PARP4: variants seen among roughly 807,000 people sequenced by gnomAD.
PARP4 encodes poly(ADP-ribose) polymerase family member 4.
Under a neutral mutation model 187.7 loss-of-function variants are expected in PARP4, and 120 were observed. That is an observed-to-expected ratio of 0.64 (90% CI 0.55 to 0.74). The LOEUF (loss-of-function observed/expected upper bound fraction) is 0.74. PARP4 is among the 30% of genes least tolerant of loss of function. The probability of loss-of-function intolerance (pLI) is 0.00; values close to 1 mark genes in which losing one functional copy is unlikely to be tolerated. For synonymous variants in PARP4, 654 were observed against 740.9 expected (o/e 0.88, Z 1.90); for missense variants, 1,836 against 2,070.5 (o/e 0.89, Z 2.20).
intron 33 of PARP4, among the ~76,000 whole-genome samples, chr13:24,425,523 A>G (rs1869986131): frequency 6.9e-6 from 1 of 145,842 alleles, no homozygotes; most frequent in Non-Finnish European, 1.5e-5. Flanking sequence ...GTATATGTGT[A>G]TATGTGTATG....
At chr13:24,472,898 T>G (rs1404706233) in intron 15 of PARP4, among the ~76,000 whole-genome samples, 3 of 148,972 alleles carry the variant, frequency 2.0e-5, no homozygotes, top group African/African-American at 4.9e-5. Context: ...TGAGTTTTTT[T>G]TTTTTTTTTT....
At chr13:24,498,780 C>T (rs1293501475) in intron 5 of PARP4, among the ~76,000 whole-genome samples, 1 of 151,668 alleles carries the variant, frequency 6.6e-6, no homozygotes, top group African/African-American at 2.4e-5. Context: ...GTTTTTCTTT[C>T]TAATGCAAAA....
chr13:24,466,533 G>A (rs897794398), intron 17 of PARP4, among the ~76,000 whole-genome samples: 3 of 152,034 alleles, frequency 2.0e-5, no homozygotes, highest in Admixed American at 6.6e-5. Context: ...AGTGGCTCAC[G>A]TCTGTAATCT....
At chr13:24,492,393 A>G in intron 9 of PARP4, 28 bp downstream of exon 9, 1 of 1,536,912 alleles carries the variant, frequency 6.5e-7, no homozygotes, top group Non-Finnish European at 8.9e-7. Context: ...TTTTATAATA[A>G]ATAGAATTCT....
chr13:24,470,157 C>T, intron 15 of PARP4, 132 bp from the exon 16 acceptor site: 1 of 781,766 alleles, frequency 1.3e-6, no homozygotes, highest in Non-Finnish European at 2.0e-6. Context: ...CTCAAATTCC[C>T]AACCCTGGCT....
chr13:24,506,383 C>T (rs947743177), intron 1 of PARP4, among the ~76,000 whole-genome samples: 1 of 152,114 alleles, frequency 6.6e-6, no homozygotes, highest in Non-Finnish European at 1.5e-5. Flanking sequence ...ACAAAGCTTC[C>T]ACAGCGTGGA....
At chr13:24,468,119 G>C (rs9634402) in intron 17 of PARP4, among the ~76,000 whole-genome samples, 1 of 151,928 alleles carries the variant, frequency 6.6e-6, no homozygotes, top group Admixed American at 6.6e-5. Context: ...CCATCTGCAA[G>C]AATAACTAAA....
chr13:24,475,962 T>A (rs1252069450), intron 14 of PARP4, among the ~76,000 whole-genome samples: 1 of 152,072 alleles, frequency 6.6e-6, no homozygotes, highest in African/African-American at 2.4e-5. Context: ...TTTTTTGGTA[T>A]TTTTTGTAGA....
rs200574765 is a variant in PARP4, at chr13:24,456,474, G to A, written c.2429C>T (p.Thr810Ile). 117 of 1,591,176 alleles carry A rather than the reference G, an allele frequency of 7.4e-5. No individual in the cohort carries two copies. The highest frequency in any genetic ancestry group is 2.9e-4 in the Admixed American group (17 of 59,504). Residue 810 changes from threonine to isoleucine, a missense_variant, in exon 21 of 34, where the codon ACA becomes ATA. Thr to Ile is a moderately conservative substitution (Grantham distance 89). Transcript: ENST00000381989. ...GGTGCTAATGACAGCTTTGCAGTCT[G>A]TGCGCTGCAAAACAAACACCGCGAC... ...SDTHELKQKR[T>I]DCKAVISTME... is the part of the protein sequence containing the mutation.
intron 5 of PARP4, among the ~76,000 whole-genome samples, chr13:24,498,802 G>A (rs1449113497): frequency 2.6e-5 from 4 of 152,102 alleles, no homozygotes; most frequent in South Asian, 2.1e-4. Context: ...GAATGGAAAC[G>A]CAACATAGTG....
rs1870514304 is a variant in PARP4, at chr13:24,434,639, A to G, written c.4502T>C (p.Leu1501Pro). ...SRTTPVDLCL[L>P]EESVGSLEGS... Reference sequence around the variant, plus strand: ...TTCGAGACTGCCTACTGATTCTTCTAGAAGACAGAGATCTACTGGGGTAGT... The same window carrying G: ...TTCGAGACTGCCTACTGATTCTTCTGGAAGACAGAGATCTACTGGGGTAGT... The change falls in exon 31 of 34, where the codon CTA becomes CCA. Residue 1501 changes from leucine to proline, a missense_variant. Around this residue, in one of 8 missense-constraint regions of PARP4, gnomAD observed 450 missense variants for 439.2 expected, o/e 1.02. Transcript: ENST00000381989. 5 of 1,613,318 alleles carry G rather than the reference A, an allele frequency of 3.1e-6. No homozygotes were observed. In the South Asian group the frequency reaches 5.5e-5, roughly 18 times the overall value.
At chr13:24,478,890 G>C (rs1180946090) in intron 12 of PARP4, among the ~76,000 whole-genome samples, 2 of 152,000 alleles carry the variant, frequency 1.3e-5, no homozygotes, top group African/African-American at 2.4e-5. Flanking sequence ...TAAATACCAG[G>C]GTGGTAAAGA....
rs749687942 is a variant in PARP4, at chr13:24,493,780, G to C, written c.742-47C>G. ...GCCACCAAAAAGTCATCATGTGTGA[G>C]TTTGTGTAAAACTTACATGGGCCAA... On this transcript the variant is annotated intron_variant, in intron 7 of 33. Transcript: ENST00000381989. 1.9e-6 allele frequency: 3 copies of C among 1,600,714 alleles called. No individual in the cohort carries two copies. In the African/African-American group the frequency reaches 4.0e-5, roughly 21 times the overall value.
Position 24,444,287 on chromosome 13 carries a change from C to T in PARP4, c.3367-557G>A, listed in dbSNP as rs371561318. On this transcript the variant is annotated intron_variant, in intron 27 of 33. Transcript: ENST00000381989. ...TTGCTGTGACTTTATGGAAAACGACCTCTTCCCAGGTAAAATTATTTTACC... is the reference window on the plus strand; with the variant it reads ...TTGCTGTGACTTTATGGAAAACGACTTCTTCCCAGGTAAAATTATTTTACC... Among the ~76,000 whole-genome samples, 248 of 152,406 alleles carry T rather than the reference C, an allele frequency of 1.6e-3. No individual in the cohort carries two copies. In the East Asian group the frequency reaches 0.017, roughly 10 times the overall value.
At chr13:24,493,870 TA>T in intron 7 of PARP4, 137 bp from the exon 8 acceptor site, 1 of 771,428 alleles carries the variant, frequency 1.3e-6, no homozygotes, top group Non-Finnish European at 2.1e-6. Flanking sequence ...GCCAGGTAAC[TA>T]AATCCTTTCT....
chr13:24,466,261 A>G (rs1566004541), intron 17 of PARP4, among the ~76,000 whole-genome samples: 1 of 152,092 alleles, frequency 6.6e-6, no homozygotes, highest in Non-Finnish European at 1.5e-5. Flanking sequence ...GGCTCATTGC[A>G]GCCTCCACCT....
At chr13:24,505,168 AAGAG>A (rs988888822) in intron 1 of PARP4, among the ~76,000 whole-genome samples, 1 of 151,864 alleles carries the variant, frequency 6.6e-6, no homozygotes, top group African/African-American at 2.4e-5. Context: ...AGGAGAAAGA[AAGAG>A]AGAGGAGACA....
Position 24,435,175 on chromosome 13 carries a change from G to A in PARP4, c.3966C>T (p.Ala1322=), listed in dbSNP as rs747655325. 2.3e-5 allele frequency: 37 copies of A among 1,614,166 alleles called. No individual in the cohort carries two copies. The highest frequency in any genetic ancestry group is 1.6e-4 in the Middle Eastern group (1 of 6,062). The stretch of plus-strand genomic sequence containing the variant: ...CAGTCGGGGGAAGATAGGAACCAAC[G>A]GCCGGAGCCAAAATAGGAAAAAAGC... The part of the protein sequence containing the change: ...TSSFFPILAP[A]VGSYLPPTAR... The change falls in exon 31 of 34, where the codon GCC becomes GCT. Residue 1322 remains alanine (A), a synonymous_variant. Transcript: ENST00000381989.
chr13:24,441,843 T>G lies in PARP4; in HGVS notation c.3666+3A>C, dbSNP rs773405211. The G allele has an allele frequency of 6.3e-7, 1 of 1,587,530 alleles. No homozygotes were observed. Among genetic ancestry groups the G allele is most frequent in the Non-Finnish European group, 8.5e-7 (1 of 1,170,116 alleles). On this transcript the variant is annotated splice_donor_region_variant and intron_variant, in intron 30 of 33. Coordinates refer to ENST00000381989, the MANE Select transcript of PARP4 (RefSeq NM_006437.4). ...ATCAACTTATTCGGTAATCAGCATTTACCTGGTTCCTGACGGCTTCTTGGG... is the reference window on the plus strand; with the variant it reads ...ATCAACTTATTCGGTAATCAGCATTGACCTGGTTCCTGACGGCTTCTTGGG...
Sources: gnomAD v4.1 joint callset for allele counts (sites outside exome capture counted in the v4.1 genomes callset) on GRCh38, gnomAD v4.1.1 for gene constraint, gnomAD v4.1.1 regional missense constraint, MANE v1.5 for transcripts, NCBI Gene and HGNC (gene_info 2026-07-23, HGNC 2026-07-21) for gene names.